GRM7: variants seen among roughly 807,000 people sequenced by gnomAD.
GRM7 encodes glutamate metabotropic receptor 7, also known as metabotropic glutamate receptor 7.
Under a neutral mutation model 84.5 loss-of-function variants are expected in GRM7, and 35 were observed. The ratio of observed to expected loss-of-function variants is 0.41; its 90% CI spans 0.32 to 0.55. GRM7 has a LOEUF of 0.55. Among genes scored for constraint, GRM7 ranks in the 20% least tolerant of loss-of-function variants. The pLI, the probability that GRM7 is intolerant of heterozygous loss-of-function variation, is 0.19. For missense variants in GRM7, 1,003 were observed against 1,194.6 expected, an observed-to-expected ratio of 0.84 and a Z score of 2.36; for synonymous variants, 487 against 455.1, an observed-to-expected ratio of 1.07 and a Z score of -0.89.
chr3:7,727,836 A>G (rs886119740), intron 9 of GRM7, among the ~76,000 whole-genome samples: 7 of 152,000 alleles, frequency 4.6e-5, no homozygotes, highest in Non-Finnish European at 1.0e-4. Flanking sequence ...CAACCTTTCC[A>G]TCTCCCATGG....
chr3:6,969,176 A>G (rs531061921), intron 1 of GRM7, among the ~76,000 whole-genome samples: 1 of 152,086 alleles, frequency 6.6e-6, no homozygotes, highest in African/African-American at 2.4e-5. Flanking sequence ...AATTTTTGTA[A>G]TTTATAGTTT....
chr3:7,217,015 G>A (rs182750549), intron 2 of GRM7, among the ~76,000 whole-genome samples: 11 of 152,200 alleles, frequency 7.2e-5, no homozygotes, highest in African/African-American at 1.9e-4. Context: ...CAACGAAATC[G>A]TTTTCCTCCT....
intron 7 of GRM7, among the ~76,000 whole-genome samples, chr3:7,462,998 C>A (rs576096569): frequency 6.7e-6 from 1 of 148,354 alleles, no homozygotes. Flanking sequence ...AAGGTAAACT[C>A]AAGGTGGGGG....
At chr3:7,212,402 T>A (rs1211072133) in intron 2 of GRM7, among the ~76,000 whole-genome samples, 1 of 152,130 alleles carries the variant, frequency 6.6e-6, no homozygotes, top group African/African-American at 2.4e-5. Context: ...ATCCAATAAA[T>A]AGATATTAAG....
At chr3:7,646,589 T>A (rs1304132219) in intron 8 of GRM7, among the ~76,000 whole-genome samples, 3 of 152,176 alleles carry the variant, frequency 2.0e-5, no homozygotes, top group Admixed American at 2.0e-4. Context: ...GCAGTACACA[T>A]AGGCCCAAAG....
At chr3:7,118,256 T>A (rs2125041381) in intron 1 of GRM7, among the ~76,000 whole-genome samples, 1 of 151,808 alleles carries the variant, frequency 6.6e-6, no homozygotes, top group South Asian at 2.1e-4. Flanking sequence ...CTGGGCATGG[T>A]TGTATGCATC....
At chr3:7,096,228 T>G (rs991021237) in intron 1 of GRM7, among the ~76,000 whole-genome samples, 2 of 152,010 alleles carry the variant, frequency 1.3e-5, no homozygotes, top group African/African-American at 4.8e-5. Context: ...GTACACCTAG[T>G]GATGCTAACC....
intron 7 of GRM7, 108 bp from the exon 8 acceptor site, chr3:7,578,314 C>T (rs1386689264): frequency 1.4e-6 from 1 of 698,170 alleles, no homozygotes; most frequent in East Asian, 2.7e-5. Flanking sequence ...AACTATTCAA[C>T]CTCATGCCTC....
At chr3:7,046,563 G>A (rs1336393148) in intron 1 of GRM7, among the ~76,000 whole-genome samples, 1 of 152,018 alleles carries the variant, frequency 6.6e-6, no homozygotes, top group Non-Finnish European at 1.5e-5. Context: ...GTATTTTCTG[G>A]TTTGTAGTTT....
At chr3:7,415,286 A>G (rs1696115441) in intron 5 of GRM7, 123 bp downstream of exon 5, 3 of 802,556 alleles carry the variant, frequency 3.7e-6, no homozygotes, top group South Asian at 3.5e-5. Flanking sequence ...ATTTTACTAG[A>G]TTGTTCAGAA....
At chr3:7,319,251 AAGT>A (rs1700688150) in intron 4 of GRM7, among the ~76,000 whole-genome samples, 1 of 152,040 alleles carries the variant, frequency 6.6e-6, no homozygotes, top group African/African-American at 2.4e-5. Context: ...TAGCTGAAAA[AAGT>A]AGGCAACATC....
chr3:7,019,438 C>G (rs1695692077), intron 1 of GRM7, among the ~76,000 whole-genome samples: 1 of 152,206 alleles, frequency 6.6e-6, no homozygotes. Context: ...CCCCCATGCT[C>G]TGCCTATCCA....
intron 4 of GRM7, among the ~76,000 whole-genome samples, chr3:7,316,802 G>A (rs1239367531): frequency 6.6e-6 from 1 of 152,076 alleles, no homozygotes; most frequent in Non-Finnish European, 1.5e-5. Flanking sequence ...ACATAAGCCT[G>A]GAGTTTATGG....
intron 4 of GRM7, among the ~76,000 whole-genome samples, chr3:7,318,524 T>A (rs1300401350): frequency 1.3e-5 from 2 of 152,116 alleles, no homozygotes; most frequent in Non-Finnish European, 2.9e-5. Flanking sequence ...GCCAAATGGA[T>A]GGCTGGAAGA....
chr3:7,021,385 A>T (rs1386602908), intron 1 of GRM7, among the ~76,000 whole-genome samples: 2 of 152,172 alleles, frequency 1.3e-5, no homozygotes, highest in Admixed American at 6.5e-5. Flanking sequence ...GAGTACATGG[A>T]AGAGAAGGTT....
At chr3:7,211,163 C>A (rs1489740777) in intron 2 of GRM7, among the ~76,000 whole-genome samples, 2 of 152,068 alleles carry the variant, frequency 1.3e-5, no homozygotes. Context: ...ACTAAAGTAC[C>A]CCACCTTTGA....
intron 1 of GRM7, among the ~76,000 whole-genome samples, chr3:6,864,091 T>C (rs1694859054): frequency 6.6e-6 from 1 of 152,226 alleles, no homozygotes; most frequent in Non-Finnish European, 1.5e-5. Flanking sequence ...GCGTTAGCGT[T>C]ATGGCTGGGG....
At chr3:7,274,887 C>A (rs1460107740) in intron 2 of GRM7, among the ~76,000 whole-genome samples, 1 of 151,756 alleles carries the variant, frequency 6.6e-6, no homozygotes. Flanking sequence ...TCTTGTGTTC[C>A]TGTTTCTCTT....
At chr3:7,214,727 A>G (rs1696544029) in intron 2 of GRM7, among the ~76,000 whole-genome samples, 1 of 152,232 alleles carries the variant, frequency 6.6e-6, no homozygotes, top group African/African-American at 2.4e-5. Flanking sequence ...AAATGCTGGC[A>G]GGTTTGAAAA....
Sources: allele counts gnomAD v4.1 joint callset (sites outside exome capture counted in the v4.1 genomes callset), GRCh38; gene constraint gnomAD v4.1.1; transcripts MANE v1.5; gene names NCBI Gene and HGNC (gene_info 2026-07-23, HGNC 2026-07-21).